Variants in SLCO2B1 observed in about 807,000 individuals in gnomAD.
The protein encoded by SLCO2B1 is solute carrier organic anion transporter family member 2B1.
SLCO2B1 carries 41 observed loss-of-function variants against 67.3 expected under a neutral mutation model. The ratio of observed to expected loss-of-function variants is 0.61; its 90% CI spans 0.47 to 0.79. The LOEUF (loss-of-function observed/expected upper bound fraction) is 0.79. Among genes scored for constraint, SLCO2B1 ranks in the 30% least tolerant of loss-of-function variants. The pLI, the probability that SLCO2B1 is intolerant of heterozygous loss-of-function variation, is 0.00. For missense variants in SLCO2B1, 837 were observed against 920.1 expected, an observed-to-expected ratio of 0.91 and a Z score of 1.17; for synonymous variants, 379 against 381.4, an observed-to-expected ratio of 0.99 and a Z score of 0.07.
chr11:75,169,833 G>A (rs1210444467), intron 6 of SLCO2B1, 69 bp downstream of exon 6: 3 of 1,325,944 alleles, frequency 2.3e-6, no homozygotes, highest in Non-Finnish European at 3.3e-6. Context: ...GAGACATTGA[G>A]CCAGGGGACC....
chr11:75,192,064 A>G (rs931218103), intron 8 of SLCO2B1, among the ~76,000 whole-genome samples: 1 of 151,612 alleles, frequency 6.6e-6, no homozygotes, highest in African/African-American at 2.4e-5. Context: ...CTGGGCCCCT[A>G]CTCAATTCCT....
chr11:75,192,996 T>C (rs1030893725), intron 8 of SLCO2B1, among the ~76,000 whole-genome samples: 3 of 151,842 alleles, frequency 2.0e-5, no homozygotes, highest in South Asian at 2.1e-4. Context: ...TGAGCTGAGA[T>C]TGCGCCACTG....
chr11:75,166,957 G>A (rs577332390), intron 4 of SLCO2B1, among the ~76,000 whole-genome samples: 45 of 152,338 alleles, frequency 3.0e-4, no homozygotes, highest in African/African-American at 1.1e-3. Context: ...CAGAGGCCAG[G>A]GATAGGGGAG....
intron 8 of SLCO2B1, among the ~76,000 whole-genome samples, chr11:75,190,856 G>C (rs149106896): frequency 1.3e-5 from 2 of 152,318 alleles, no homozygotes; most frequent in Admixed American, 6.5e-5. Context: ...GTCTGATGGG[G>C]GAGACACTGT....
chr11:75,202,628 A>C, intron 11 of SLCO2B1: 1 of 465,178 alleles, frequency 2.1e-6, no homozygotes, highest in African/African-American at 1.9e-5. Context: ...GGGTGGAGGA[A>C]GAGGAGTGAT....
chr11:75,169,069 C>T, intron 4 of SLCO2B1, 104 bp from the exon 5 acceptor site: 1 of 959,516 alleles, frequency 1.0e-6, no homozygotes, highest in Non-Finnish European at 1.5e-6. Context: ...TTGTGGGGCT[C>T]AAATTATTTT....
intron 4 of SLCO2B1, among the ~76,000 whole-genome samples, chr11:75,166,844 G>A (rs1261204887): frequency 6.6e-6 from 1 of 152,202 alleles, no homozygotes; most frequent in Non-Finnish European, 1.5e-5. Context: ...CCCCAGCCTG[G>A]CATGGAGGAA....
chr11:75,167,012 G>A (rs1236394442), intron 4 of SLCO2B1, among the ~76,000 whole-genome samples: 3 of 152,232 alleles, frequency 2.0e-5, no homozygotes, highest in African/African-American at 7.2e-5. Flanking sequence ...GGGTTGGCGT[G>A]AGCACGGGCA....
Position 75,193,249 on chromosome 11 carries a change from C to T in SLCO2B1, c.1107C>T (p.Arg369=). 1 of 1,613,322 alleles carries T rather than the reference C, an allele frequency of 6.2e-7. No individual in the cohort carries two copies. The highest frequency in any genetic ancestry group is 1.6e-4 in the Middle Eastern group (1 of 6,062). Residue 369 remains arginine, a synonymous_variant, in exon 9 of 14, where the codon CGC becomes CGT. Coordinates refer to ENST00000289575, the MANE Select transcript of SLCO2B1 (RefSeq NM_007256.5). The surrounding 1 kb of genome is among the most constrained non-coding windows in gnomAD (Gnocchi z 4.2). ...CCAGGGTGCTGCTGCAGACCCTACG[C>T]CACCCCATCTTCCTGCTGGTGGTCC... The part of the protein sequence containing the change: ...VFPRVLLQTL[R]HPIFLLVVLS...
chr11:75,156,456 G>A (rs1355045571), intron 1 of SLCO2B1, among the ~76,000 whole-genome samples: 4 of 152,108 alleles, frequency 2.6e-5, no homozygotes, highest in Non-Finnish European at 5.9e-5. Context: ...GCAACTTTAG[G>A]AGGTAGGAAG....
intron 4 of SLCO2B1, among the ~76,000 whole-genome samples, chr11:75,166,866 G>A (rs563870637): frequency 6.6e-6 from 1 of 152,248 alleles, no homozygotes; most frequent in East Asian, 1.9e-4. Context: ...CCTTTCTAGG[G>A]GAAGAAGACT....
intron 11 of SLCO2B1, chr11:75,200,595 A>G: frequency 2.0e-6 from 1 of 510,006 alleles, no homozygotes. Context: ...TGAGGCTCAG[A>G]GAAGTTCAGG....
intron 3 of SLCO2B1, among the ~76,000 whole-genome samples, chr11:75,165,234 C>T (rs1949872935): frequency 6.6e-6 from 1 of 152,042 alleles, no homozygotes; most frequent in African/African-American, 2.4e-5. Flanking sequence ...GAGTTTGAGA[C>T]CTGCCTGGCC....
intron 10 of SLCO2B1, among the ~76,000 whole-genome samples, chr11:75,198,812 G>A (rs1182969683): frequency 6.6e-6 from 1 of 152,260 alleles, no homozygotes; most frequent in Non-Finnish European, 1.5e-5. Context: ...GAGTGCATGA[G>A]TGAATGAGGT....
chr11:75,174,050 C>T (rs1388512859), intron 7 of SLCO2B1, among the ~76,000 whole-genome samples: 1 of 152,200 alleles, frequency 6.6e-6, no homozygotes, highest in Non-Finnish European at 1.5e-5. Flanking sequence ...GATCTGCCCG[C>T]CTCAGCCTCC....
intron 9 of SLCO2B1, among the ~76,000 whole-genome samples, chr11:75,195,917 T>A (rs1945091337): frequency 6.6e-6 from 1 of 152,134 alleles, no homozygotes; most frequent in South Asian, 2.1e-4. Context: ...ACCTTCACCT[T>A]GCCCTGGCCA....
chr11:75,155,724 C>T (rs1212102853), intron 1 of SLCO2B1, among the ~76,000 whole-genome samples: 1 of 152,176 alleles, frequency 6.6e-6, no homozygotes, highest in Non-Finnish European at 1.5e-5. Context: ...TCCCAAAGTG[C>T]TGAGATTACA....
At chr11:75,186,754 G>A (rs1944940000) in intron 7 of SLCO2B1, among the ~76,000 whole-genome samples, 1 of 152,194 alleles carries the variant, frequency 6.6e-6, no homozygotes, top group African/African-American at 2.4e-5. Context: ...CTTGTATTCA[G>A]ATGACCCTGT....
intron 1 of SLCO2B1, among the ~76,000 whole-genome samples, chr11:75,153,930 T>A: frequency 6.7e-6 from 1 of 150,120 alleles, no homozygotes. Flanking sequence ...AGTACTTTTT[T>A]TTTTTTTTTT....
Sources: gnomAD v4.1 joint callset for allele counts (sites outside exome capture counted in the v4.1 genomes callset) on GRCh38, gnomAD v4.1.1 for gene constraint, Gnocchi (gnomAD v3.1) non-coding constraint, MANE v1.5 for transcripts, NCBI Gene and HGNC (gene_info 2026-07-23, HGNC 2026-07-21) for gene names.